The following CSMD3 variants were observed in gnomAD, a reference collection of about 807,000 sequenced individuals.
CSMD3 encodes CUB and sushi domain-containing protein 3.
Under a neutral mutation model 435.2 loss-of-function variants are expected in CSMD3, and 177 were observed. That is an observed-to-expected ratio of 0.41 (90% confidence interval 0.36 to 0.46). The LOEUF (loss-of-function observed/expected upper bound fraction) is 0.46. CSMD3 is among the 20% of genes least tolerant of loss of function. CSMD3 has a pLI of 0.34. For missense variants in CSMD3, 4,265 were observed against 4,504.6 expected, an observed-to-expected ratio of 0.95 and a Z score of 1.52; for synonymous variants, 1,656 against 1,520.5, an observed-to-expected ratio of 1.09 and a Z score of -2.07.
chr8:113,327,532 C>T (rs2093992325), intron 1 of CSMD3, among the ~76,000 whole-genome samples: 1 of 152,074 alleles, frequency 6.6e-6, no homozygotes, highest in Non-Finnish European at 1.5e-5. Flanking sequence ...CCAGTAGGAA[C>T]CTTCAAAATC....
chr8:112,857,269 G>A (rs568868450), intron 11 of CSMD3, among the ~76,000 whole-genome samples: 7 of 151,768 alleles, frequency 4.6e-5, no homozygotes, highest in African/African-American at 1.7e-4. Flanking sequence ...AGAACTGAAA[G>A]TAATTATGTC....
chr8:112,840,512 A>G (rs536826887), intron 11 of CSMD3, among the ~76,000 whole-genome samples: 2 of 151,860 alleles, frequency 1.3e-5, no homozygotes, highest in South Asian at 4.2e-4. Flanking sequence ...AATGTAGTGT[A>G]TATTCCAAGA....
chr8:112,685,510 C>G lies in CSMD3; in HGVS notation c.2378G>C (p.Gly793Ala), dbSNP rs773803999. ...PESPILGTFTGAEVPSHLTSN... is the reference protein window; with the variant it reads ...PESPILGTFTAAEVPSHLTSN... ...AGTAAGATGGGAAGGCACCTCAGCC[C>G]CAGTAAAGGTTCCAAGAATTGGGGA... Residue 793 changes from glycine (G) to alanine (A), a missense_variant, in exon 15 of 71, where the codon GGG becomes GCG. Transcript: ENST00000297405. 1 of 1,613,886 alleles carries G rather than the reference C, an allele frequency of 6.2e-7. No homozygotes were observed. Among genetic ancestry groups the G allele is most frequent in the Non-Finnish European group, 8.5e-7 (1 of 1,179,894 alleles).
At chr8:112,499,236 A>G (rs1453153875) in intron 30 of CSMD3, among the ~76,000 whole-genome samples, 1 of 152,166 alleles carries the variant, frequency 6.6e-6, no homozygotes, top group African/African-American at 2.4e-5. Flanking sequence ...ATAAGTATAA[A>G]TATACTAAAT....
intron 35 of CSMD3, among the ~76,000 whole-genome samples, chr8:112,398,657 C>T (rs1320929194): frequency 6.6e-6 from 1 of 152,204 alleles, no homozygotes; most frequent in Non-Finnish European, 1.5e-5. Context: ...TGACAGACTG[C>T]ATGAATCAGA....
intron 13 of CSMD3, among the ~76,000 whole-genome samples, chr8:112,751,745 T>C (rs1394358499): frequency 6.6e-6 from 1 of 151,988 alleles, no homozygotes; most frequent in Non-Finnish European, 1.5e-5. Flanking sequence ...GAAAGAAATT[T>C]CCACAGACTC....
intron 3 of CSMD3, among the ~76,000 whole-genome samples, chr8:113,263,009 A>C (rs72670724): frequency 5.9e-5 from 9 of 152,166 alleles, no homozygotes; most frequent in Non-Finnish European, 8.8e-5. Flanking sequence ...ATCATTTTTT[A>C]AAGATTTATT....
At chr8:112,633,289 G>C (rs2074567506) in intron 22 of CSMD3, among the ~76,000 whole-genome samples, 1 of 133,174 alleles carries the variant, frequency 7.5e-6, no homozygotes, top group Non-Finnish European at 1.6e-5. Flanking sequence ...ATGCAGGCCA[G>C]ATTTCCTCCC....
At chr8:112,387,255 GC>G (rs1485255352) in intron 36 of CSMD3, among the ~76,000 whole-genome samples, 1 of 152,036 alleles carries the variant, frequency 6.6e-6, no homozygotes, top group African/African-American at 2.4e-5. Flanking sequence ...TAATTTTTCA[GC>G]ATTCCATATG....
chr8:112,866,268 A>G (rs1417516460), intron 10 of CSMD3, among the ~76,000 whole-genome samples: 3 of 152,102 alleles, frequency 2.0e-5, no homozygotes, highest in African/African-American at 7.2e-5. Context: ...AGCAAATTCA[A>G]ATCACCTAGA....
intron 38 of CSMD3, among the ~76,000 whole-genome samples, chr8:112,359,080 C>G (rs893684344): frequency 2.6e-5 from 4 of 152,036 alleles, no homozygotes; most frequent in Non-Finnish European, 4.4e-5. Context: ...AAAAACTTTT[C>G]ATCTTCATTA....
At chr8:112,258,764 G>A (rs1816065731) in intron 61 of CSMD3, among the ~76,000 whole-genome samples, 1 of 152,118 alleles carries the variant, frequency 6.6e-6, no homozygotes, top group East Asian at 1.9e-4. Flanking sequence ...TGATGGCCTG[G>A]CACAGTGGCT....
At chr8:112,905,398 T>C (rs2082233142) in intron 10 of CSMD3, among the ~76,000 whole-genome samples, 1 of 150,784 alleles carries the variant, frequency 6.6e-6, no homozygotes, top group African/African-American at 2.4e-5. Flanking sequence ...TAGGAGGCAA[T>C]CCTCCATGTG....
intron 1 of CSMD3, among the ~76,000 whole-genome samples, chr8:113,424,034 T>C (rs570990637): frequency 3.9e-5 from 6 of 151,926 alleles, no homozygotes; most frequent in African/African-American, 1.2e-4. Context: ...AATAAGTAAT[T>C]ATTAGCTCAC....
chr8:112,692,099 G>A (rs138530459), intron 13 of CSMD3, among the ~76,000 whole-genome samples: 11 of 151,926 alleles, frequency 7.2e-5, no homozygotes, highest in South Asian at 2.1e-4. Context: ...CACTGCGCCC[G>A]GCAAATTCTA....
chr8:112,810,662 C>G (rs1222705464), intron 12 of CSMD3, among the ~76,000 whole-genome samples: 1 of 151,732 alleles, frequency 6.6e-6, no homozygotes, highest in Non-Finnish European at 1.5e-5. Flanking sequence ...CATAAGGATA[C>G]TAGAAAATGG....
In CSMD3 at chr8:112,224,718, C is replaced by G. The variant is rs2129754910; in HGVS notation, c.*53G>C. The G allele has an allele frequency of 6.3e-7, 1 of 1,582,566 alleles. No individual in the cohort carries two copies. The highest frequency in any genetic ancestry group is 8.7e-7 in the Non-Finnish European group (1 of 1,151,354). On this transcript the variant is annotated 3_prime_UTR_variant, in exon 71 of 71. Coordinates refer to ENST00000297405, the MANE Select transcript of CSMD3 (RefSeq NM_198123.2). The stretch of plus-strand genomic sequence containing the variant: ...TTTGTTTAGCAGTGAACTAAATGTG[C>G]ACTGTTTTGTGTGTCGATTTCCAAG...
intron 9 of CSMD3, among the ~76,000 whole-genome samples, chr8:112,929,636 A>G (rs1427035194): frequency 1.3e-5 from 2 of 152,072 alleles, no homozygotes; most frequent in Non-Finnish European, 2.9e-5. Flanking sequence ...TTTTTATATA[A>G]CAAGTGAAGT....
chr8:112,899,638 T>TATATATATATATATAC (rs1309592432), intron 10 of CSMD3, among the ~76,000 whole-genome samples: 1 of 118,464 alleles, frequency 8.4e-6, no homozygotes, highest in African/African-American at 3.3e-5. Flanking sequence ...TATATGTATA[T>TATATATATATATATAC]ACATATATGT....
Sources: allele counts gnomAD v4.1 joint callset (sites outside exome capture counted in the v4.1 genomes callset), GRCh38; gene constraint gnomAD v4.1.1; transcripts MANE v1.5; gene names NCBI Gene and HGNC (gene_info 2026-07-23, HGNC 2026-07-21).